Variants in LRBA observed in about 807,000 individuals in gnomAD.
The protein encoded by LRBA is lipopolysaccharide-responsive and beige-like anchor protein.
In LRBA, 176 loss-of-function variants were observed where a neutral mutation model predicts 330.0. The ratio of observed to expected loss-of-function variants is 0.53; its 90% CI spans 0.47 to 0.60. LRBA has a LOEUF of 0.60. LRBA is among the 20% of genes least tolerant of loss of function. The pLI is 0.00. For synonymous variants in LRBA, 1,230 were observed against 1,193.0 expected, an observed-to-expected ratio of 1.03 and a Z score of -0.64; for missense variants, 3,259 against 3,444.8, an observed-to-expected ratio of 0.95 and a Z score of 1.35.
chr4:150,657,153 T>G (rs930194800), intron 37 of LRBA, among the ~76,000 whole-genome samples: 1 of 152,194 alleles, frequency 6.6e-6, no homozygotes, highest in African/African-American at 2.4e-5. Context: ...CAGGAAATGA[T>G]GAACAGCAAT....
At chr4:150,763,343 TTTA>T (rs1289400553) in intron 34 of LRBA, among the ~76,000 whole-genome samples, 2 of 151,950 alleles carry the variant, frequency 1.3e-5, no homozygotes, top group Non-Finnish European at 2.9e-5. Flanking sequence ...AGGTATAATT[TTTA>T]TTATTCTAAA....
At chr4:150,711,557 A>T (rs1223757818) in intron 36 of LRBA, among the ~76,000 whole-genome samples, 1 of 152,162 alleles carries the variant, frequency 6.6e-6, no homozygotes, top group Non-Finnish European at 1.5e-5. Flanking sequence ...ATTTGCAACC[A>T]CAATATAATT....
At chr4:150,653,190 C>G (rs1477497444) in intron 37 of LRBA, among the ~76,000 whole-genome samples, 1 of 152,010 alleles carries the variant, frequency 6.6e-6, no homozygotes, top group Admixed American at 6.6e-5. Flanking sequence ...AAAAAATAAA[C>G]TTTCTCTCAT....
At chr4:150,716,516 G>A (rs1336256569) in intron 36 of LRBA, among the ~76,000 whole-genome samples, 1 of 152,096 alleles carries the variant, frequency 6.6e-6, no homozygotes, top group African/African-American at 2.4e-5. Flanking sequence ...AAGATAAACA[G>A]ATGTTCAAGC....
chr4:150,338,829 C>T (rs1735082720), intron 48 of LRBA, among the ~76,000 whole-genome samples: 1 of 152,108 alleles, frequency 6.6e-6, no homozygotes, highest in Non-Finnish European at 1.5e-5. Flanking sequence ...GTGACTCTGG[C>T]ATTAGTTACC....
intron 24 of LRBA, 57 bp from the exon 25 acceptor site, chr4:150,849,632 G>T: frequency 7.0e-7 from 1 of 1,421,766 alleles, no homozygotes; most frequent in Non-Finnish European, 9.9e-7. Flanking sequence ...ATCACAGTTT[G>T]CCTACTTGAG....
At chr4:150,867,292 T>C (rs1393616333) in intron 22 of LRBA, among the ~76,000 whole-genome samples, 1 of 152,050 alleles carries the variant, frequency 6.6e-6, no homozygotes, top group Non-Finnish European at 1.5e-5. Context: ...TTTTAACTCA[T>C]ATAAAATTCT....
At chr4:150,864,925 C>T (rs1240237018) in intron 22 of LRBA, among the ~76,000 whole-genome samples, 2 of 152,062 alleles carry the variant, frequency 1.3e-5, no homozygotes, top group South Asian at 2.1e-4. Context: ...CATGTGCCAT[C>T]GTGCCTGGCC....
intron 17 of LRBA, among the ~76,000 whole-genome samples, chr4:150,879,450 C>A (rs1728129545): frequency 6.6e-6 from 1 of 152,112 alleles, no homozygotes; most frequent in South Asian, 2.1e-4. Context: ...CCTTTGAGAA[C>A]TGGAGCAAGA....
intron 28 of LRBA, among the ~76,000 whole-genome samples, chr4:150,834,619 T>C (rs1487719800): frequency 1.3e-5 from 2 of 152,216 alleles, no homozygotes; most frequent in African/African-American, 4.8e-5. Context: ...CTTCCTTTTA[T>C]AGAGCACAGG....
Position 150,844,154 on chromosome 4 carries a change from C to G in LRBA, c.4515G>C (p.Arg1505Ser). Residue 1505 changes from arginine to serine, a missense_variant, in exon 28 of 57, where the codon AGG (arginine) becomes AGC (serine). Transcript: ENST00000651943. ...GATTAATATCCATGTCCTGTAGAAG[C>G]CTGTCAAGATCTCTTACTGGAGATA... ...GGISPVRDLD[R>S]LLQDMDINRL... 1 of 1,611,854 alleles carries G rather than the reference C, an allele frequency of 6.2e-7. No homozygotes were observed. Among genetic ancestry groups the G allele is most frequent in the Non-Finnish European group, 8.5e-7 (1 of 1,178,678 alleles).
intron 36 of LRBA, among the ~76,000 whole-genome samples, chr4:150,701,557 T>C (rs1409242335): frequency 2.6e-5 from 4 of 152,178 alleles, no homozygotes; most frequent in Non-Finnish European, 4.4e-5. Flanking sequence ...TAAAATCTCA[T>C]AGGACCACCA....
Position 150,828,245 on chromosome 4 carries a change from T to A in LRBA, c.5106A>T (p.Pro1702=), listed in dbSNP as rs768913826. The A allele has an allele frequency of 2.5e-6, 4 of 1,614,156 alleles. No individual in the cohort carries two copies. The highest frequency in any genetic ancestry group is 3.4e-6 in the Non-Finnish European group (4 of 1,180,008). ...GVTVDPALLP[P]ACLGALGDLS... ...GATCACCAAGGGCTCCAAGGCAGGC[T>A]GGTGGCAGAAGGGCAGGATCCACTG... Residue 1702 remains proline (P), a synonymous_variant, in exon 30 of 57, where the codon CCA becomes CCT. Transcript: ENST00000651943.
chr4:150,544,691 T>C lies in LRBA; in HGVS notation c.6330+43357A>G, dbSNP rs983459448. On this transcript the variant is annotated intron_variant, in intron 40 of 56. Coordinates refer to ENST00000651943, the MANE Select transcript of LRBA (RefSeq NM_001364905.1). The stretch of plus-strand genomic sequence containing the variant: ...GTAACATTAAGAAAAACCATGTTTG[T>C]CTTGCTCACTATTGAATTCCCAAGG... Among the ~76,000 whole-genome samples, 4 of 152,214 alleles carry C rather than the reference T, an allele frequency of 2.6e-5. No homozygotes were observed. In the East Asian group the frequency reaches 7.7e-4, roughly 29 times the overall value.
chr4:150,849,911 A>G (rs1750397357), intron 24 of LRBA, among the ~76,000 whole-genome samples: 1 of 152,212 alleles, frequency 6.6e-6, no homozygotes, highest in Non-Finnish European at 1.5e-5. Flanking sequence ...ATGTGCTATT[A>G]AAAATGAATT....
chr4:150,354,888 T>G (rs934793240), intron 47 of LRBA, among the ~76,000 whole-genome samples: 1 of 152,036 alleles, frequency 6.6e-6, no homozygotes, highest in Non-Finnish European at 1.5e-5. Flanking sequence ...AAATTATTCA[T>G]AAATAGGAGG....
rs1395314898 is a variant in LRBA, at chr4:150,914,308, T to C, written c.1048A>G (p.Thr350Ala). ...FDKCFLGSSE[T>A]ADANRVFCGQ... Reference sequence around the variant, plus strand: ...CAGAATACTCTATTAGCATCTGCTGTTTCTGATGAGCCCAGGAAACATTTG... The same window carrying C: ...CAGAATACTCTATTAGCATCTGCTGCTTCTGATGAGCCCAGGAAACATTTG... The change falls in exon 9 of 57, where the codon ACA becomes GCA. Residue 350 changes from threonine (T) to alanine (A), a missense_variant. Transcript: ENST00000651943. The C allele has an allele frequency of 2.4e-5, 38 of 1,584,256 alleles. No homozygotes were observed. The highest frequency in any genetic ancestry group is 3.2e-5 in the Non-Finnish European group (37 of 1,162,788).
intron 37 of LRBA, among the ~76,000 whole-genome samples, chr4:150,639,820 T>C (rs1778447992): frequency 1.2e-3 from 3 of 2,508 alleles, no homozygotes; most frequent in Admixed American, 4.9e-3. Context: ...TGTGTGTGTG[T>C]ATATATATAT....
chr4:150,657,389 G>C (rs1377907932), intron 37 of LRBA, among the ~76,000 whole-genome samples: 1 of 151,886 alleles, frequency 6.6e-6, no homozygotes, highest in Non-Finnish European at 1.5e-5. Flanking sequence ...AACATGACTT[G>C]TTTCTTACAT....
Sources: allele counts gnomAD v4.1 joint callset (sites outside exome capture counted in the v4.1 genomes callset), GRCh38; gene constraint gnomAD v4.1.1; transcripts MANE v1.5; gene names NCBI Gene and HGNC (gene_info 2026-07-23, HGNC 2026-07-21).